Variants in CAMSAP3 observed in about 807,000 individuals in gnomAD.
The protein encoded by CAMSAP3 is calmodulin-regulated spectrin-associated protein 3.
In CAMSAP3, 34 loss-of-function variants were observed where a neutral mutation model predicts 112.5. The observed-to-expected ratio is 0.30, with a 90% CI of 0.23 to 0.40. The LOEUF is 0.40. CAMSAP3 is among the 10% of genes least tolerant of loss of function. CAMSAP3 has a pLI of 1.00. For synonymous variants in CAMSAP3, 868 were observed against 799.8 expected (o/e 1.09, Z -1.44); for missense variants, 1,602 against 1,770.3 (o/e 0.90, Z 1.71).
At chr19:7,600,275 T>C (rs559285501) in intron 1 of CAMSAP3, among the ~76,000 whole-genome samples, 1 of 614 alleles carries the variant, frequency 1.6e-3, no homozygotes. Flanking sequence ...ACCCACCCAC[T>C]CATCCATCCA....
chr19:7,604,282 CA>C (rs144042050), intron 1 of CAMSAP3, among the ~76,000 whole-genome samples: 1 of 152,240 alleles, frequency 6.6e-6, no homozygotes, highest in East Asian at 1.9e-4. Context: ...GCCCCCAGCC[CA>C]CTGTCCACCT....
Sources: gnomAD v4.1 joint callset for allele counts (sites outside exome capture counted in the v4.1 genomes callset) on GRCh38, gnomAD v4.1.1 for gene constraint, MANE v1.5 for transcripts, NCBI Gene and HGNC (gene_info 2026-07-23, HGNC 2026-07-21) for gene names.